OCRL: variants seen among roughly 807,000 people sequenced by gnomAD.
OCRL encodes the protein inositol polyphosphate 5-phosphatase OCRL.
Under a neutral mutation model 78.9 loss-of-function variants are expected in OCRL, and 8 were observed. The ratio of observed to expected loss-of-function variants is 0.10; its 90% CI spans 0.06 to 0.18. The LOEUF (loss-of-function observed/expected upper bound fraction) is 0.18. Among genes scored for constraint, OCRL ranks in the 10% least tolerant of loss-of-function variants. OCRL has a pLI of 1.00. For synonymous variants in OCRL, 240 were observed against 235.4 expected (o/e 1.02, Z -0.18); for missense variants, 454 against 696.7 (o/e 0.65, Z 3.92).
chrX:129,576,203 C>G (rs1936366165), intron 17 of OCRL, 114 bp from the exon 18 acceptor site: 7 of 897,652 alleles, frequency 7.8e-6, no homozygotes. Context: ...CTGTCTCTTC[C>G]CCCTCATTGC....
chrX:129,555,003 A>AT (rs1324561497), intron 4 of OCRL, among the ~76,000 whole-genome samples: 94 of 106,286 alleles, frequency 8.8e-4, no homozygotes, highest in South Asian at 2.9e-3. Flanking sequence ...AAATAAATAA[A>AT]AATAAGAGGG....
rs999341111 is a variant in OCRL at position 129,592,174 on chromosome X, A to G, written c.*1904A>G. 1.8e-5 allele frequency: 2 copies of G among 113,612 alleles called. No individual in the cohort carries two copies. Among genetic ancestry groups the G allele is most frequent in the Non-Finnish European group, 3.8e-5 (2 of 53,248 alleles). The allele number at this position is 113,612 out of a possible 1,213,427, so 9.4% of individuals were successfully genotyped here. ...TATACAGAGTTGAGAGTTTTAGACA[A>G]TCTCTAGGTAGAGGAGACAAGATGT... On this transcript the variant is annotated 3_prime_UTR_variant, in exon 24 of 24. Coordinates refer to ENST00000371113, the MANE Select transcript of OCRL (RefSeq NM_000276.4).
intron 3 of OCRL, among the ~76,000 whole-genome samples, chrX:129,547,313 C>T (rs757392053): frequency 9.1e-6 from 1 of 109,880 alleles, no homozygotes; most frequent in African/African-American, 3.3e-5. Context: ...ATCACAAGGT[C>T]AGGAGATTGA....
At chrX:129,540,873 C>G in intron 2 of OCRL, 50 bp downstream of exon 2, 1 of 1,057,085 alleles carries the variant, frequency 9.5e-7, no homozygotes, top group Non-Finnish European at 1.3e-6. Flanking sequence ...CCATTACCTC[C>G]CAACCCCAAA....
At chrX:129,576,695 GTTTTGA>G in intron 18 of OCRL, 143 bp downstream of exon 18, 1 of 513,403 alleles carries the variant, frequency 1.9e-6, no homozygotes, top group East Asian at 3.6e-5. Flanking sequence ...CTTTAGCACT[GTTTTGA>G]TTAGATTAAG....
intron 4 of OCRL, among the ~76,000 whole-genome samples, chrX:129,548,932 A>G (rs1173849946): frequency 8.9e-6 from 1 of 112,259 alleles, no homozygotes; most frequent in Non-Finnish European, 1.9e-5. Flanking sequence ...TTTAAAGCAC[A>G]TAAGGTTTAT....
chrX:129,573,619 A>G (rs1034447793), intron 15 of OCRL, among the ~76,000 whole-genome samples: 3 of 111,352 alleles, frequency 2.7e-5, no homozygotes, highest in Middle Eastern at 4.2e-3. Context: ...CAGTGGTGCA[A>G]TCTTGGCTCA....
At chrX:129,555,098 G>A (rs997428729) in intron 4 of OCRL, among the ~76,000 whole-genome samples, 8 of 110,526 alleles carry the variant, frequency 7.2e-5, no homozygotes, top group Non-Finnish European at 1.3e-4. Context: ...CAGATCACTC[G>A]GAAACTACGA....
intron 10 of OCRL, among the ~76,000 whole-genome samples, 164 bp from the exon 11 acceptor site, chrX:129,562,220 G>C (rs1936155227): frequency 2.7e-5 from 3 of 111,952 alleles, no homozygotes; most frequent in African/African-American, 9.7e-5. Flanking sequence ...CCTCCCCAGA[G>C]AATATTAGTT....
In OCRL at chrX:129,590,312, G is replaced by A. The variant is rs370737806; in HGVS notation, c.*42G>A. 2.3e-5 allele frequency: 28 copies of A among 1,199,436 alleles called. No homozygotes were observed. The highest frequency in any genetic ancestry group is 3.5e-5 in the South Asian group (2 of 56,531). Reference sequence around the variant, plus strand: ...TGATATTCTAGAAGCAGACGATCTCGGGCTCCAAGTATTTCAGAATGATTT... The same window carrying A: ...TGATATTCTAGAAGCAGACGATCTCAGGCTCCAAGTATTTCAGAATGATTT... On this transcript the variant is annotated 3_prime_UTR_variant, in exon 24 of 24. Coordinates refer to ENST00000371113, the MANE Select transcript of OCRL (RefSeq NM_000276.4).
intron 3 of OCRL, among the ~76,000 whole-genome samples, chrX:129,545,478 A>G (rs376997528): frequency 3.5e-5 from 4 of 112,677 alleles, no homozygotes; most frequent in East Asian, 5.6e-4. Context: ...GTAATATCTT[A>G]CACTCAATTG....
At chrX:129,583,966 T>C (rs1395330334) in intron 18 of OCRL, among the ~76,000 whole-genome samples, 2 of 109,906 alleles carry the variant, frequency 1.8e-5, no homozygotes. Flanking sequence ...ATGGCCACTG[T>C]TGGGCCCACA....
rs754424104 is a variant in OCRL at position 129,557,410 on chromosome X, C to T, written c.324C>T (p.Leu108=). ...ATGAGGAACACTGTTTGAAGTTCCT[C>T]TCAGCTGTCCTTGCTGCTCAGAAAG... ...IPDEEHCLKF[L]SAVLAAQKAQ... is the part of the protein sequence containing the mutation. Residue 108 remains leucine (L), a synonymous_variant, in exon 5 of 24, where the codon CTC becomes CTT. Coordinates refer to ENST00000371113, the MANE Select transcript of OCRL (RefSeq NM_000276.4). The T allele has an allele frequency of 3.0e-5, 36 of 1,206,672 alleles. No homozygotes were observed. The South Asian group carries it at 4.2e-4, about 14-fold the overall frequency.
chrX:129,551,326 A>G (rs188153195), intron 4 of OCRL, among the ~76,000 whole-genome samples: 1 of 112,215 alleles, frequency 8.9e-6, no homozygotes, highest in East Asian at 2.8e-4. Flanking sequence ...TGTGCCAGGA[A>G]CTACACTAGG....
Position 129,562,267 on chromosome X carries a change from T to C in OCRL, c.940-117T>C. On this transcript the variant is annotated intron_variant, in intron 10 of 23. Coordinates refer to ENST00000371113, the MANE Select transcript of OCRL (RefSeq NM_000276.4). ...GGGTCCACTGAGAAATTAGAGGATA[T>C]GAAGTCAGATTTGGGCACTAGTATA... The C allele has an allele frequency of 1.0e-5, 6 of 592,741 alleles. No homozygotes were observed. The Middle Eastern group carries it at 2.2e-3, about 222-fold the overall frequency. The allele number at this position is 592,741 out of a possible 1,213,427, so 48.8% of individuals were successfully genotyped here.
intron 4 of OCRL, among the ~76,000 whole-genome samples, chrX:129,551,302 A>G (rs996710605): frequency 6.2e-5 from 7 of 112,129 alleles, no homozygotes; most frequent in Non-Finnish European, 1.1e-4. Flanking sequence ...CTATAAAAAT[A>G]TGACTATTTT....
intron 2 of OCRL, 22 bp downstream of exon 2, chrX:129,540,845 A>C: frequency 8.6e-7 from 1 of 1,161,487 alleles, no homozygotes; most frequent in East Asian, 3.0e-5. Context: ...CCTGATTCCC[A>C]CAGAGGAGGG....
At position 129,592,093 on chromosome X, in the gene OCRL, A is replaced by T; in HGVS notation, c.*1823A>T. The T allele has an allele frequency of 8.6e-6, 1 of 115,670 alleles. No individual in the cohort carries two copies. 9.5% of individuals were successfully genotyped at this position (115,670 alleles called of 1,213,427 possible). On this transcript the variant is annotated 3_prime_UTR_variant, in exon 24 of 24. Transcript: ENST00000371113. ...AGTATCCTATCTCTTTCTACATCAG[A>T]TCAAAACACTAAGTTGGTGTACTGC...
intron 15 of OCRL, among the ~76,000 whole-genome samples, chrX:129,571,263 A>G (rs190783989): frequency 9.1e-6 from 1 of 109,711 alleles, no homozygotes; most frequent in Admixed American, 9.7e-5. Flanking sequence ...TTCCTCAAAC[A>G]CTAACCTCTT....
Sources: gnomAD v4.1 joint callset for allele counts (sites outside exome capture counted in the v4.1 genomes callset) on GRCh38, gnomAD v4.1.1 for gene constraint, MANE v1.5 for transcripts, NCBI Gene and HGNC (gene_info 2026-07-23, HGNC 2026-07-21) for gene names.